The following SLC9A9 variants were observed in gnomAD, a reference collection of about 807,000 sequenced individuals.
SLC9A9 encodes the protein sodium/hydrogen exchanger 9.
In SLC9A9, 62 loss-of-function variants were observed where a neutral mutation model predicts 77.8. The ratio of observed to expected loss-of-function variants is 0.80; its 90% CI spans 0.65 to 0.98. SLC9A9 has a LOEUF of 0.98. SLC9A9 is among the 50% of genes least tolerant of loss of function. The probability of loss-of-function intolerance (pLI) is 0.00; values close to 1 mark genes in which losing one functional copy is unlikely to be tolerated. For synonymous variants in SLC9A9, 320 were observed against 283.5 expected, an observed-to-expected ratio of 1.13 and a Z score of -1.29; for missense variants, 775 against 774.9, an observed-to-expected ratio of 1.00 and a Z score of 0.00.
chr3:143,290,835 G>A (rs549013044), intron 14 of SLC9A9, among the ~76,000 whole-genome samples: 1 of 152,284 alleles, frequency 6.6e-6, no homozygotes, highest in South Asian at 2.1e-4. Flanking sequence ...CCTATCCCCT[G>A]TATCTCCCAG....
chr3:143,722,468 A>C (rs542479433), intron 4 of SLC9A9, among the ~76,000 whole-genome samples: 1 of 96,552 alleles, frequency 1.0e-5, no homozygotes, highest in Non-Finnish European at 2.2e-5. Flanking sequence ...GCGAGACTCC[A>C]TCTCAAAAAA....
chr3:143,273,526 A>G (rs1444527917), intron 14 of SLC9A9, among the ~76,000 whole-genome samples: 1 of 152,182 alleles, frequency 6.6e-6, no homozygotes, highest in Non-Finnish European at 1.5e-5. Context: ...CCAAGACCTG[A>G]CCACTCTATT....
chr3:143,439,724 A>G (rs763506072), intron 12 of SLC9A9, among the ~76,000 whole-genome samples: 7 of 152,078 alleles, frequency 4.6e-5, no homozygotes, highest in Non-Finnish European at 7.4e-5. Context: ...AGAGCACCCA[A>G]CGAATGAAAA....
At chr3:143,537,464 G>A (rs959739502) in intron 9 of SLC9A9, among the ~76,000 whole-genome samples, 1 of 151,962 alleles carries the variant, frequency 6.6e-6, no homozygotes, top group African/African-American at 2.4e-5. Context: ...TGCCCACTCT[G>A]CTGCCACCTG....
chr3:143,785,873 T>C (rs2108850946), intron 4 of SLC9A9, among the ~76,000 whole-genome samples: 1 of 94,758 alleles, frequency 1.1e-5, no homozygotes. Context: ...TTTTTTTTTT[T>C]TGAGACGGAG....
At chr3:143,791,153 T>C (rs1015402149) in intron 4 of SLC9A9, among the ~76,000 whole-genome samples, 3 of 152,180 alleles carry the variant, frequency 2.0e-5, no homozygotes, top group Non-Finnish European at 2.9e-5. Flanking sequence ...ATACTACTTC[T>C]CAAGTGATAA....
chr3:143,571,947 G>A (rs2037264265), intron 8 of SLC9A9, among the ~76,000 whole-genome samples: 1 of 152,198 alleles, frequency 6.6e-6, no homozygotes, highest in African/African-American at 2.4e-5. Context: ...CTCACACCTA[G>A]AATTTGGTTT....
rs76311785 is a variant in SLC9A9, at chr3:143,265,884, C to A, written c.*818G>T. On this transcript the variant is annotated 3_prime_UTR_variant, in exon 16 of 16. Transcript: ENST00000316549. ...TGCAGAATCCTACCCTCCAGCATAT[C>A]GCGGGGAGGGGGGGACCTGCTGCAC... 5,935 of 605,820 alleles carry A rather than the reference C, an allele frequency of 9.8e-3. 131 individuals carry two copies. The highest frequency in any genetic ancestry group is 7.1e-3 in the Non-Finnish European group (2,397 of 337,904). The allele number at this position is 605,820 out of a possible 1,614,324, so 37.5% of individuals were successfully genotyped here.
chr3:143,273,162 G>A (rs762822922), intron 14 of SLC9A9, among the ~76,000 whole-genome samples: 15 of 152,178 alleles, frequency 9.9e-5, no homozygotes, highest in Non-Finnish European at 2.1e-4. Context: ...TGTATGATGT[G>A]GCTTTGCATA....
chr3:143,397,784 C>A (rs544938784), intron 12 of SLC9A9, among the ~76,000 whole-genome samples: 37 of 152,174 alleles, frequency 2.4e-4, no homozygotes, highest in African/African-American at 7.7e-4. Flanking sequence ...AGGGAAGGAG[C>A]CTTAATGGGA....
At chr3:143,291,053 G>A (rs1174208020) in intron 14 of SLC9A9, among the ~76,000 whole-genome samples, 1 of 152,242 alleles carries the variant, frequency 6.6e-6, no homozygotes, top group African/African-American at 2.4e-5. Context: ...GAGGGCGGAA[G>A]TGCTTGGGAT....
intron 8 of SLC9A9, among the ~76,000 whole-genome samples, chr3:143,557,418 T>C (rs1418820677): frequency 6.6e-6 from 1 of 152,146 alleles, no homozygotes; most frequent in Non-Finnish European, 1.5e-5. Flanking sequence ...GAAATGTCGA[T>C]GCAACTTTGG....
At chr3:143,406,517 A>T (rs2033984222) in intron 12 of SLC9A9, among the ~76,000 whole-genome samples, 1 of 152,032 alleles carries the variant, frequency 6.6e-6, no homozygotes, top group Admixed American at 6.5e-5. Flanking sequence ...AGCTGGGATC[A>T]CAGGTGCTTG....
At chr3:143,798,748 T>C (rs1307144968) in intron 2 of SLC9A9, among the ~76,000 whole-genome samples, 1 of 152,170 alleles carries the variant, frequency 6.6e-6, no homozygotes, top group Non-Finnish European at 1.5e-5. Flanking sequence ...CTGAGGTGCA[T>C]GACATCCAGG....
chr3:143,428,262 C>CCGGAATAGACATT (rs2034441999), intron 12 of SLC9A9, among the ~76,000 whole-genome samples: 1 of 150,980 alleles, frequency 6.6e-6, no homozygotes. Flanking sequence ...GGATAAAAGA[C>CCGGAATAGACATT]CTGAATAGAC....
rs761520576 is a variant in SLC9A9, at chr3:143,423,234, TAC to T, written c.1470-41122_1470-41121del. 6.2e-3 allele frequency among the ~76,000 whole-genome samples: 832 copies of T among 134,740 alleles called. 3 individuals carry two copies. Among genetic ancestry groups the T allele is most frequent in the Non-Finnish European group, 0.01 (629 of 62,304 alleles). The allele number at this position is 134,740 out of a possible 152,430, so 88.4% of individuals were successfully genotyped here. A position where few individuals can be genotyped will look rare whatever the true frequency, so the allele number is the denominator to read the frequency against. ...ACACACGTACACACACACACACGTG[TAC>T]ACACGCGCGTGTACACACACACACA... On this transcript the variant is annotated intron_variant, in intron 12 of 15. Transcript: ENST00000316549.
intron 6 of SLC9A9, among the ~76,000 whole-genome samples, chr3:143,586,928 A>G (rs958259722): frequency 6.6e-6 from 1 of 152,230 alleles, no homozygotes; most frequent in African/African-American, 2.4e-5. Context: ...GACCCTGCAG[A>G]GTCAAGAGCT....
intron 1 of SLC9A9, 190 bp downstream of exon 1, chr3:143,847,958 T>C: frequency 1.6e-6 from 1 of 637,552 alleles, no homozygotes; most frequent in Non-Finnish European, 2.8e-6. Flanking sequence ...TTTGCTCTCG[T>C]GACATGGCAA....
chr3:143,503,271 T>C, intron 9 of SLC9A9: 1 of 245,164 alleles, frequency 4.1e-6, no homozygotes, highest in Non-Finnish European at 8.0e-6. Flanking sequence ...CTGGGGCTGG[T>C]GGTCTAGGAG....
Sources: gnomAD v4.1 joint callset for allele counts (sites outside exome capture counted in the v4.1 genomes callset) on GRCh38, gnomAD v4.1.1 for gene constraint, MANE v1.5 for transcripts, NCBI Gene and HGNC (gene_info 2026-07-23, HGNC 2026-07-21) for gene names.